The following UPF3B variants were observed in gnomAD, a reference collection of about 807,000 sequenced individuals.
UPF3B encodes regulator of nonsense transcripts 3B.
Under a neutral mutation model 40.3 loss-of-function variants are expected in UPF3B, and 7 were observed. The ratio of observed to expected loss-of-function variants is 0.17; its 90% confidence interval spans 0.10 to 0.33. UPF3B has a LOEUF of 0.33. Ranked by LOEUF, UPF3B falls within the 10% of genes least tolerant of loss-of-function variation. UPF3B has a pLI of 1.00. For synonymous variants in UPF3B, 117 were observed against 117.3 expected (o/e 1.00, Z 0.01); for missense variants, 229 against 358.9 (o/e 0.64, Z 2.93).
intron 10 of UPF3B, among the ~76,000 whole-genome samples, chrX:119,836,713 C>T (rs1169683382): frequency 3.9e-5 from 4 of 103,422 alleles, no homozygotes; most frequent in East Asian, 3.1e-4. Flanking sequence ...TGCAGTGACG[C>T]GATCTCGGCT....
downstream of UPF3B, chrX:119,833,967 A>T: frequency 2.7e-6 from 2 of 729,987 alleles, no homozygotes; most frequent in Non-Finnish European, 3.2e-6. Context: ...AGATGTCAAA[A>T]ATTTAATTTC....
chrX:119,816,582 G>C (rs1004925610), intron 4 of UPF3B, among the ~76,000 whole-genome samples: 2 of 111,262 alleles, frequency 1.8e-5, no homozygotes, highest in African/African-American at 6.5e-5. Flanking sequence ...AAGTAGAACA[G>C]AAGAGGGAGG....
chrX:119,848,281 CA>C (rs144679153), intron 3 of UPF3B, among the ~76,000 whole-genome samples: 282 of 23,908 alleles, frequency 0.012, 4 homozygotes, highest in African/African-American at 0.032. Flanking sequence ...GACTCCATCT[CA>C]AAAAAAAAAA....
chrX:119,844,940 T>C (rs947881948), intron 4 of UPF3B, among the ~76,000 whole-genome samples: 7 of 112,311 alleles, frequency 6.2e-5, no homozygotes, highest in Admixed American at 1.9e-4. Context: ...TATGGTGATT[T>C]GTTACTCAAT....
intron 5 of UPF3B, among the ~76,000 whole-genome samples, chrX:119,813,564 C>A (rs935199786): frequency 2.0e-5 from 2 of 99,286 alleles, no homozygotes; most frequent in Non-Finnish European, 2.1e-5. Context: ...TTTTTCTTTT[C>A]TTTTTTTTTT....
Position 119,852,851 on chromosome X carries a change from A to C in UPF3B, c.78T>G (p.Gly26=). The C allele has an allele frequency of 8.3e-7, 1 of 1,211,999 alleles. No homozygotes were observed. Among genetic ancestry groups the C allele is most frequent in the Non-Finnish European group, 1.1e-6 (1 of 895,540 alleles). ...TGGAGCTGTCCCCCGAGGTCCCACC[A>C]CCGCTGCCTGTGGCCCCGGCGGGGG... ...LLTPAGATGS[G]GGTSGDSSKG... The change falls in exon 1 of 11, where the codon GGT becomes GGG. Residue 26 remains glycine, a synonymous_variant. Coordinates refer to ENST00000276201, the MANE Select transcript of UPF3B (RefSeq NM_080632.3).
At chrX:119,823,153 G>A (rs186737891) in intron 3 of UPF3B, 226 of 264,725 alleles carry the variant, frequency 8.5e-4, no homozygotes, top group African/African-American at 6.4e-3. Context: ...AGTCATTTAA[G>A]ACCAAATATA....
intron 4 of UPF3B, among the ~76,000 whole-genome samples, chrX:119,815,681 C>T (rs1276327709): frequency 1.8e-5 from 2 of 111,410 alleles, no homozygotes; most frequent in African/African-American, 3.3e-5. Context: ...CCACACTGGG[C>T]TAAGTTTTAA....
chrX:119,850,072 A>C (rs996863767), intron 3 of UPF3B, among the ~76,000 whole-genome samples: 7 of 84,685 alleles, frequency 8.3e-5, no homozygotes, highest in Non-Finnish European at 1.5e-4. Context: ...GGGGGGGGGA[A>C]ATCACTTGAG....
chrX:119,837,635 A>T, intron 10 of UPF3B, 122 bp downstream of exon 10: 15 of 679,748 alleles, frequency 2.2e-5, no homozygotes, highest in East Asian at 3.4e-5. Flanking sequence ...AAAAAAAAAA[A>T]GTTGCAGATG....
chrX:119,846,752 A>T (rs1207665265), intron 3 of UPF3B, among the ~76,000 whole-genome samples: 1 of 111,244 alleles, frequency 9.0e-6, no homozygotes, highest in African/African-American at 3.3e-5. Context: ...TCTCTTATTT[A>T]AAAAAAGTAA....
intron 5 of UPF3B, among the ~76,000 whole-genome samples, chrX:119,810,742 C>T (rs2055821953): frequency 9.0e-6 from 1 of 111,214 alleles, no homozygotes; most frequent in Non-Finnish European, 1.9e-5. Flanking sequence ...TAGGCATTCA[C>T]CCTACAGTTG....
chrX:119,829,373 A>C (rs2147773666), downstream of UPF3B, among the ~76,000 whole-genome samples: 1 of 112,171 alleles, frequency 8.9e-6, no homozygotes, highest in East Asian at 2.8e-4. Context: ...AGGAGGCCTC[A>C]AAGTAGAACT....
intron 3 of UPF3B, among the ~76,000 whole-genome samples, chrX:119,828,365 CCT>C (rs1218414338): frequency 2.7e-5 from 3 of 111,888 alleles, no homozygotes; most frequent in Non-Finnish European, 5.7e-5. Flanking sequence ...ACGCCTGGCC[CCT>C]GTTCTTTTGA....
chrX:119,850,298 T>C (rs887689890), intron 3 of UPF3B, among the ~76,000 whole-genome samples: 1 of 111,456 alleles, frequency 9.0e-6, no homozygotes, highest in African/African-American at 3.3e-5. Context: ...TCTCAAAAGA[T>C]AAACAATAAA....
At position 119,822,745 on chromosome X, in the gene UPF3B, C is replaced by G. The variant is rs1476556344; in HGVS notation, c.494+197G>C. On this transcript the variant is annotated intron_variant, in intron 4 of 6. Transcript: ENST00000636792. ...GCCTCAGCCTCTCGAGTACCTGGGA[C>G]TACAGGCGCCTGCCACCAAGCCCGG... 2.7e-5 allele frequency among the ~76,000 whole-genome samples: 3 copies of G among 111,094 alleles called. No individual in the cohort carries two copies. The Admixed American group carries it at 2.9e-4, about 11-fold the overall frequency.
At chrX:119,818,731 T>C (rs888782343) in intron 4 of UPF3B, among the ~76,000 whole-genome samples, 2 of 111,994 alleles carry the variant, frequency 1.8e-5, no homozygotes, top group Non-Finnish European at 3.8e-5. Flanking sequence ...CAACGGAAAT[T>C]TTAAACAAGT....
At chrX:119,830,570 T>C (rs1194459493), downstream of UPF3B, among the ~76,000 whole-genome samples, 1 of 110,668 alleles carries the variant, frequency 9.0e-6, no homozygotes, top group African/African-American at 3.3e-5. Context: ...TCTTATAAAC[T>C]AACAACTCTT....
chrX:119,842,595 CACACACACAT>C (rs1236068610), intron 5 of UPF3B, among the ~76,000 whole-genome samples: 1,199 of 85,633 alleles, frequency 0.014, 9 homozygotes, highest in African/African-American at 0.059. Context: ...CACACACACA[CACACACACAT>C]ACACACACAC....
Sources: gnomAD v4.1 joint callset for allele counts (sites outside exome capture counted in the v4.1 genomes callset) on GRCh38, gnomAD v4.1.1 for gene constraint, MANE v1.5 for transcripts, NCBI Gene and HGNC (gene_info 2026-07-23, HGNC 2026-07-21) for gene names.